PHF11: variants seen among roughly 807,000 people sequenced by gnomAD.
The protein encoded by PHF11 is BRCA1 C-terminus-associated protein.
Under a neutral mutation model 40.5 loss-of-function variants are expected in PHF11, and 38 were observed. The observed-to-expected ratio is 0.94, with a 90% CI of 0.72 to 1.23. The LOEUF is 1.23. Ranked by LOEUF, PHF11 falls within the 50% of genes most tolerant of loss-of-function variation. PHF11 has a pLI of 0.00. For synonymous variants in PHF11, 127 were observed against 138.2 expected, an observed-to-expected ratio of 0.92 and a Z score of 0.57; for missense variants, 369 against 392.4, an observed-to-expected ratio of 0.94 and a Z score of 0.50.
chr13:49,515,669 G>A (rs776418886), intron 3 of PHF11, among the ~76,000 whole-genome samples: 7 of 151,972 alleles, frequency 4.6e-5, no homozygotes, highest in Non-Finnish European at 7.4e-5. Flanking sequence ...TTCTCTCAGC[G>A]TCAGTAATCC....
intron 1 of PHF11, among the ~76,000 whole-genome samples, chr13:49,502,390 A>G (rs1028642519): frequency 5.3e-5 from 8 of 152,248 alleles, no homozygotes; most frequent in Admixed American, 6.5e-5. Context: ...ACCCAAGAGC[A>G]GAAATCATAA....
At chr13:49,520,787 G>A (rs1373333402) in intron 4 of PHF11, 107 bp from the exon 5 acceptor site, 17 of 712,788 alleles carry the variant, frequency 2.4e-5, no homozygotes, top group South Asian at 1.4e-4. Context: ...TTAGTGTGAC[G>A]CCGTCATGAA....
In PHF11 at chr13:49,524,096, A is replaced by C. The variant is rs906079561; in HGVS notation, c.649A>C (p.Lys217Gln). Reference protein sequence around the residue: ...EHGRHTDATVKVPFLKKCKEA... With the variant: ...EHGRHTDATVQVPFLKKCKEA... ...TGTCTTATTCTTAGATGCAACTGTG[A>C]AAGTTCCTTTTCTTAAGAAATGCAA... is the stretch of plus-strand genomic sequence containing the variant. Residue 217 changes from lysine (K) to glutamine (Q), a missense_variant, in exon 8 of 10, where the codon AAA (lysine) becomes CAA (glutamine). Lys to Gln is a moderately conservative substitution (Grantham distance 53). Transcript: ENST00000378319. 2 of 1,606,266 alleles carry C rather than the reference A, an allele frequency of 1.2e-6. No homozygotes were observed. Among genetic ancestry groups the C allele is most frequent in the Non-Finnish European group, 1.7e-6 (2 of 1,176,124 alleles).
chr13:49,509,840 T>C (rs750153495), intron 2 of PHF11, among the ~76,000 whole-genome samples: 36 of 152,216 alleles, frequency 2.4e-4, no homozygotes, highest in Non-Finnish European at 2.9e-4. Flanking sequence ...CTCTTTTTCT[T>C]TATAAATTAC....
chr13:49,506,132 C>G (rs1217331938), intron 1 of PHF11, among the ~76,000 whole-genome samples: 1 of 151,728 alleles, frequency 6.6e-6, no homozygotes, highest in Non-Finnish European at 1.5e-5. Context: ...CACAGTAGCT[C>G]GTGCCTGTAA....
At chr13:49,501,981 G>A (rs574750638) in intron 1 of PHF11, among the ~76,000 whole-genome samples, 109 of 151,644 alleles carry the variant, frequency 7.2e-4, no homozygotes, top group African/African-American at 2.1e-3. Context: ...GTGAGCCACC[G>A]CGCCCGGCCA....
chr13:49,502,723 ATTTG>A (rs1372041504), intron 1 of PHF11, among the ~76,000 whole-genome samples: 4 of 151,892 alleles, frequency 2.6e-5, no homozygotes, highest in African/African-American at 4.8e-5. Flanking sequence ...TAATACGTTT[ATTTG>A]TTTGTTTGTT....
chr13:49,513,282 A>T lies in PHF11; in HGVS notation c.324+116A>T. The T allele has an allele frequency of 8.6e-6, 5 of 582,994 alleles. No individual in the cohort carries two copies. In the South Asian group the frequency reaches 1.1e-4, roughly 13 times the overall value. 36.1% of individuals were successfully genotyped at this position (582,994 alleles called of 1,614,324 possible). A position where few individuals can be genotyped will look rare whatever the true frequency, so the allele number is the denominator to read the frequency against. On this transcript the variant is annotated intron_variant, in intron 3 of 9. Transcript: ENST00000378319. ...ATAGAGAAGCATCTTGGAGAGCTGG[A>T]AGAAGTAGGAACTGTATTGGAAACC...
At chr13:49,519,949 C>A (rs746786245) in intron 4 of PHF11, among the ~76,000 whole-genome samples, 1 of 152,080 alleles carries the variant, frequency 6.6e-6, no homozygotes, top group Non-Finnish European at 1.5e-5. Flanking sequence ...TGAGAGTCAG[C>A]GCCATCTGAA....
intron 1 of PHF11, among the ~76,000 whole-genome samples, chr13:49,499,169 TG>T (rs1363301466): frequency 1.3e-5 from 2 of 152,270 alleles, no homozygotes; most frequent in Non-Finnish European, 2.9e-5. Flanking sequence ...GTATAGAAGA[TG>T]GCTGCCCTTG....
Position 49,513,060 on chromosome 13 carries a change from T to C in PHF11, c.218T>C (p.Leu73Pro). The C allele has an allele frequency of 6.7e-7, 1 of 1,491,168 alleles. No homozygotes were observed. The highest frequency in any genetic ancestry group is 1.1e-5 in the South Asian group (1 of 87,140). 92.4% of individuals were successfully genotyped at this position (1,491,168 alleles called of 1,614,324 possible). A position where few individuals can be genotyped will look rare whatever the true frequency, so the allele number is the denominator to read the frequency against. The change falls in exon 3 of 10, where the codon CTG (leucine) becomes CCG (proline). Residue 73 changes from leucine (L) to proline (P), a missense_variant and splice_region_variant. Transcript: ENST00000378319. ...TGGATTTTTTTTTCCAATCTGCAGC[T>C]GTATTCTTCAGGACTTGTGGAATGT... ...ENIAAHENCL[L>P]YSSGLVECED...
At chr13:49,520,998 A>G (rs1959185176) in intron 5 of PHF11, 58 bp downstream of exon 5, 5 of 1,494,400 alleles carry the variant, frequency 3.3e-6, no homozygotes, top group Admixed American at 4.3e-5. Context: ...TTTATGTAAC[A>G]TAAGGAATAG....
At chr13:49,514,608 A>C (rs978776656) in intron 3 of PHF11, among the ~76,000 whole-genome samples, 42 of 152,170 alleles carry the variant, frequency 2.8e-4, no homozygotes, top group South Asian at 2.1e-4. Flanking sequence ...AGAAAAAAAA[A>C]TTAGCCCGAC....
intron 1 of PHF11, among the ~76,000 whole-genome samples, chr13:49,503,753 G>C (rs966141547): frequency 5.9e-5 from 9 of 152,182 alleles, no homozygotes; most frequent in African/African-American, 1.9e-4. Flanking sequence ...TCGTTTTTGA[G>C]ACAGAGCCTC....
intron 1 of PHF11, among the ~76,000 whole-genome samples, chr13:49,497,745 C>T (rs1465169674): frequency 1.3e-5 from 2 of 152,230 alleles, no homozygotes; most frequent in African/African-American, 2.4e-5. Context: ...CTGCAGTTTA[C>T]CCCATGTCCT....
intron 5 of PHF11, chr13:49,521,601 T>C (rs1959188092): frequency 6.0e-6 from 3 of 496,480 alleles, no homozygotes; most frequent in Non-Finnish European, 7.8e-6. Flanking sequence ...TAAATCAGTG[T>C]TTATTGACAG....
chr13:49,505,078 G>T (rs773999988), intron 1 of PHF11, among the ~76,000 whole-genome samples: 4 of 141,468 alleles, frequency 2.8e-5, no homozygotes, highest in Admixed American at 7.5e-5. Flanking sequence ...CAAACACTGT[G>T]AGAAACACCC....
At chr13:49,512,402 G>A (rs1335145915) in intron 2 of PHF11, among the ~76,000 whole-genome samples, 1 of 152,050 alleles carries the variant, frequency 6.6e-6, no homozygotes, top group Non-Finnish European at 1.5e-5. Context: ...TTTTCTTTAT[G>A]CTTTCTGATT....
chr13:49,499,985 A>G (rs531947166), intron 1 of PHF11, among the ~76,000 whole-genome samples: 1 of 152,316 alleles, frequency 6.6e-6, no homozygotes, highest in African/African-American at 2.4e-5. Context: ...CCTTGGCTGG[A>G]GGGCTTTAAG....
Sources: gnomAD v4.1 joint callset for allele counts (sites outside exome capture counted in the v4.1 genomes callset) on GRCh38, gnomAD v4.1.1 for gene constraint, MANE v1.5 for transcripts, NCBI Gene and HGNC (gene_info 2026-07-23, HGNC 2026-07-21) for gene names.